AOPEP: variants seen among roughly 807,000 people sequenced by gnomAD.
AOPEP encodes the protein aminopeptidase O.
A neutral mutation model predicts 98.1 loss-of-function variants in AOPEP; 77 were observed. The observed-to-expected ratio is 0.78, with a 90% CI of 0.65 to 0.95. The LOEUF (loss-of-function observed/expected upper bound fraction) is 0.95, where lower values mean the gene tolerates loss of function less well. AOPEP is among the 40% of genes least tolerant of loss of function. The probability of loss-of-function intolerance (pLI) is 0.00; values close to 1 mark genes in which losing one functional copy is unlikely to be tolerated. For synonymous variants in AOPEP, 346 were observed against 365.3 expected (o/e 0.95, Z 0.60); for missense variants, 1,024 against 1,024.7 (o/e 1.00, Z 0.01).
chr9:94,979,757 G>C (rs2060065480), intron 11 of AOPEP, among the ~76,000 whole-genome samples: 1 of 150,612 alleles, frequency 6.6e-6, no homozygotes, highest in African/African-American at 2.4e-5. Flanking sequence ...GCAGGTGGTG[G>C]GGGGGCAGGT....
At chr9:94,926,261 T>C (rs568135159) in intron 6 of AOPEP, among the ~76,000 whole-genome samples, 1 of 152,132 alleles carries the variant, frequency 6.6e-6, no homozygotes, top group South Asian at 2.1e-4. Flanking sequence ...CATAGAGAAG[T>C]AAACACTAAA....
chr9:94,879,112 C>G (rs1433419861), intron 5 of AOPEP, among the ~76,000 whole-genome samples: 2 of 152,184 alleles, frequency 1.3e-5, no homozygotes, highest in Non-Finnish European at 2.9e-5. Context: ...ATCTCAAGCA[C>G]TGATCTTAGG....
At chr9:94,729,576 TAAAA>T (rs57495134) in intron 1 of AOPEP, among the ~76,000 whole-genome samples, 4 of 140,704 alleles carry the variant, frequency 2.8e-5, no homozygotes, top group Admixed American at 7.1e-5. Context: ...ACACTGTCTT[TAAAA>T]AAAAAAAAAA....
At chr9:94,859,693 T>G (rs528330742) in intron 5 of AOPEP, among the ~76,000 whole-genome samples, 1 of 152,354 alleles carries the variant, frequency 6.6e-6, no homozygotes, top group Admixed American at 6.5e-5. Context: ...TATTCCATCC[T>G]GGTGTGATCT....
At chr9:95,127,861 C>T in the AOPEP span, among the ~76,000 whole-genome samples, 3 of 152,244 alleles carry the variant, frequency 2.0e-5, no homozygotes, top group Admixed American at 2.0e-4. Flanking sequence ...GGGCTCCAGG[C>T]AGGAGCTCTG....
intron 13 of AOPEP, among the ~76,000 whole-genome samples, chr9:95,023,063 T>C (rs900411213): frequency 1.3e-5 from 2 of 152,238 alleles, no homozygotes; most frequent in African/African-American, 4.8e-5. Flanking sequence ...GACTCGCTTC[T>C]CTAAGTCTCA....
chr9:94,891,867 C>T (rs2048918330), intron 5 of AOPEP, among the ~76,000 whole-genome samples: 1 of 152,212 alleles, frequency 6.6e-6, no homozygotes, highest in African/African-American at 2.4e-5. Flanking sequence ...TTAAGAAGAG[C>T]TTCCTTTAAC....
chr9:95,092,056 CTGTGTGTGTGTG>C (rs112458654), downstream of AOPEP, among the ~76,000 whole-genome samples: 21 of 149,222 alleles, frequency 1.4e-4, no homozygotes, highest in Non-Finnish European at 3.0e-4. Context: ...CTGTTGAAGG[CTGTGTGTGTGTG>C]TGTGTGTGTG....
At chr9:94,745,857 T>TG (rs922125984) in intron 1 of AOPEP, among the ~76,000 whole-genome samples, 3 of 152,246 alleles carry the variant, frequency 2.0e-5, no homozygotes, top group African/African-American at 7.2e-5. Context: ...TTTGATATAC[T>TG]AATTTCCTTT....
chr9:94,949,466 C>T (rs1462588434), intron 7 of AOPEP, among the ~76,000 whole-genome samples: 5 of 152,144 alleles, frequency 3.3e-5, no homozygotes, highest in Admixed American at 6.5e-5. Flanking sequence ...TTTATTTTCC[C>T]GTGGCTCCTC....
intron 5 of AOPEP, among the ~76,000 whole-genome samples, chr9:94,844,451 A>G (rs2042619748): frequency 6.6e-6 from 1 of 152,200 alleles, no homozygotes; most frequent in Non-Finnish European, 1.5e-5. Context: ...AATCGGAGTA[A>G]TTATCATGTC....
Position 94,792,825 on chromosome 9 carries a change from C to T in AOPEP, c.1025C>T (p.Ala342Val), listed in dbSNP as rs1276190707. Residue 342 changes from alanine to valine, a missense_variant, in exon 4 of 17, where the codon GCA (alanine) becomes GTA (valine). Physicochemically the swap from Ala to Val is moderately conservative, Grantham distance 64. Around this residue, in one of 3 missense-constraint regions of AOPEP, gnomAD observed 440 missense variants for 433.8 expected, o/e 1.01. Coordinates refer to ENST00000375315, the MANE Select transcript of AOPEP (RefSeq NM_001193329.3). ...ATGCCAGCCTCCACCTTCACAATTG[C>T]AGTGGGATGCTGGACAGAAATGAAG... Reference protein sequence around the residue: ...MPMPASTFTIAVGCWTEMKME... With the variant: ...MPMPASTFTIVVGCWTEMKME... 3 of 1,613,218 alleles carry T rather than the reference C, an allele frequency of 1.9e-6. No homozygotes were observed. Among genetic ancestry groups the T allele is most frequent in the African/African-American group, 1.3e-5 (1 of 74,802 alleles).
chr9:95,022,522 G>A (rs2063532715), intron 13 of AOPEP, among the ~76,000 whole-genome samples: 1 of 152,158 alleles, frequency 6.6e-6, no homozygotes, highest in African/African-American at 2.4e-5. Context: ...TGTATTTTTA[G>A]TAGAGATGGG....
chr9:94,888,558 T>C (rs1446356337), intron 5 of AOPEP, among the ~76,000 whole-genome samples: 1 of 152,214 alleles, frequency 6.6e-6, no homozygotes, highest in Non-Finnish European at 1.5e-5. Context: ...TCTGTCGTTG[T>C]CTGAGATGGT....
Position 94,917,538 on chromosome 9 carries a change from C to T in AOPEP, c.1365-6448C>T, listed in dbSNP as rs1451296270. ...CTAGGATCCAGGTATCTGTCATTTACATCTCCATGTGACATGAAACCATAA... is the reference window on the plus strand; with the variant it reads ...CTAGGATCCAGGTATCTGTCATTTATATCTCCATGTGACATGAAACCATAA... On this transcript the variant is annotated intron_variant, in intron 5 of 16. Transcript: ENST00000375315. Among the ~76,000 whole-genome samples, 4 of 152,156 alleles carry T rather than the reference C, an allele frequency of 2.6e-5. No individual in the cohort carries two copies. In the East Asian group the frequency reaches 7.7e-4, roughly 29 times the overall value.
chr9:95,121,863 T>C, the AOPEP span, among the ~76,000 whole-genome samples: 1 of 151,610 alleles, frequency 6.6e-6, no homozygotes, highest in Non-Finnish European at 1.5e-5. Flanking sequence ...AATTCATTTT[T>C]TTTTTTTTTT....
chr9:94,828,501 A>T (rs983805584), intron 5 of AOPEP, among the ~76,000 whole-genome samples: 1 of 152,174 alleles, frequency 6.6e-6, no homozygotes, highest in Non-Finnish European at 1.5e-5. Context: ...AATGCCAGAC[A>T]TTGTGCTGGA....
At chr9:94,923,551 A>G (rs904422175) in intron 5 of AOPEP, among the ~76,000 whole-genome samples, 3 of 152,168 alleles carry the variant, frequency 2.0e-5, no homozygotes, top group Admixed American at 1.3e-4. Context: ...GTCCTTCTGC[A>G]TGACTTCTCA....
intron 1 of AOPEP, among the ~76,000 whole-genome samples, chr9:94,735,063 A>T (rs1349541968): frequency 6.6e-6 from 1 of 152,172 alleles, no homozygotes; most frequent in Non-Finnish European, 1.5e-5. Flanking sequence ...TAATATTTAT[A>T]TATGCATTGA....
Sources: gnomAD v4.1 joint callset for allele counts (sites outside exome capture counted in the v4.1 genomes callset) on GRCh38, gnomAD v4.1.1 for gene constraint, gnomAD v4.1.1 regional missense constraint, MANE v1.5 for transcripts, NCBI Gene and HGNC (gene_info 2026-07-23, HGNC 2026-07-21) for gene names.